The following CAMKK1 variants were observed in gnomAD, a reference collection of about 807,000 sequenced individuals.
The protein encoded by CAMKK1 is calcium/calmodulin dependent protein kinase kinase 1.
In CAMKK1, 20 loss-of-function variants were observed where a neutral mutation model predicts 63.5. The ratio of observed to expected loss-of-function variants is 0.32; its 90% CI spans 0.22 to 0.46. The LOEUF (loss-of-function observed/expected upper bound fraction) is 0.46, where lower values mean the gene tolerates loss of function less well. CAMKK1 is among the 20% of genes least tolerant of loss of function. The pLI is 1.00. For missense variants in CAMKK1, 588 were observed against 658.1 expected, an observed-to-expected ratio of 0.89 and a Z score of 1.17; for synonymous variants, 253 against 269.0, an observed-to-expected ratio of 0.94 and a Z score of 0.58.
rs1187657432 is a variant in CAMKK1 at position 3,882,196 on chromosome 17, G to A, written c.685+332C>T. The A allele has an allele frequency of 1.3e-5, 16 of 1,238,522 alleles. No homozygotes were observed. The highest frequency in any genetic ancestry group is 1.6e-5 in the Non-Finnish European group (14 of 868,036). The allele number at this position is 1,238,522 out of a possible 1,614,324, so 76.7% of individuals were successfully genotyped here. On this transcript the variant is annotated intron_variant, in intron 7 of 15. Transcript: ENST00000348335. This position sits in a 1 kb window ranked among gnomAD's most constrained non-coding sequence, Gnocchi z 4.3. ...ACTAGTATCCCTGTTTTATAGGTGG[G>A]AAAACTGAGGCACAGAGCTACAGTG... is the stretch of plus-strand genomic sequence containing the variant.
Position 3,889,249 on chromosome 17 carries a change from TTAG to T in CAMKK1, c.-43-3522_-43-3520del, listed in dbSNP as rs1393332116. On this transcript the variant is annotated intron_variant, in intron 1 of 15. Coordinates refer to ENST00000348335, the MANE Select transcript of CAMKK1 (RefSeq NM_032294.3). This position sits in a 1 kb window ranked among gnomAD's most constrained non-coding sequence, Gnocchi z 5.2. ...TCAAGGCCCTTCCCAAGCTCAGGCC[TTAG>T]TAGATACTCTGTAGAAACTTAATTC... 6.6e-6 allele frequency among the ~76,000 whole-genome samples: 1 copy of T among 152,082 alleles called. No homozygotes were observed. The highest frequency in any genetic ancestry group is 6.5e-5 in the Admixed American group (1 of 15,276).
intron 8 of CAMKK1, 76 bp downstream of exon 8, chr17:3,881,551 G>A: frequency 3.5e-6 from 5 of 1,408,560 alleles, no homozygotes; most frequent in Non-Finnish European, 3.9e-6. Flanking sequence ...CTGACCCCTG[G>A]GCTGGGGACA....
rs543841115 is a variant in CAMKK1 at position 3,884,105 on chromosome 17, C to T, written c.409-168G>A. On this transcript the variant is annotated intron_variant, in intron 3 of 15. Transcript: ENST00000348335. The surrounding 1 kb of genome is among the most constrained non-coding windows in gnomAD (Gnocchi z 4.5). ...GTAGCAGATGGGGAGGGGACTCCTG[C>T]GCCCTGGTAACTGCCCCTGCTTGGC... Among the ~76,000 whole-genome samples the T allele has an allele frequency of 2.0e-5, 3 of 152,260 alleles. No homozygotes were observed. Among genetic ancestry groups the T allele is most frequent in the Admixed American group, 6.5e-5 (1 of 15,296 alleles).
At chr17:3,876,510 G>T in intron 9 of CAMKK1, 88 bp from the exon 10 acceptor site, 1 of 1,172,510 alleles carries the variant, frequency 8.5e-7, no homozygotes, top group Non-Finnish European at 1.2e-6. Context: ...CAGGGACGCC[G>T]GCCGGGACAT....
chr17:3,884,249 C>T lies in CAMKK1; in HGVS notation c.408+131G>A. The T allele has an allele frequency of 1.0e-6, 1 of 966,928 alleles. No homozygotes were observed. The highest frequency in any genetic ancestry group is 2.4e-5 in the East Asian group (1 of 41,650). 59.9% of individuals were successfully genotyped at this position (966,928 alleles called of 1,614,324 possible). The stretch of plus-strand genomic sequence containing the variant: ...GGGTACCTGGGTACTTCCCACAGGG[C>T]ACGAAACTGTCCTCACCTCCAGGCT... On this transcript the variant is annotated intron_variant, in intron 3 of 15. Transcript: ENST00000348335. The surrounding 1 kb of genome is among the most constrained non-coding windows in gnomAD (Gnocchi z 4.5).
At chr17:3,873,974 CT>C (rs1314919544) in intron 10 of CAMKK1, among the ~76,000 whole-genome samples, 1 of 152,182 alleles carries the variant, frequency 6.6e-6, no homozygotes, top group South Asian at 2.1e-4. Flanking sequence ...CCAAACACCC[CT>C]GGGCCTCCCC....
chr17:3,876,504 G>A, intron 9 of CAMKK1, 82 bp from the exon 10 acceptor site: 2 of 1,274,704 alleles, frequency 1.6e-6, no homozygotes, highest in African/African-American at 1.5e-5. Flanking sequence ...CACAGCCAGG[G>A]ACGCCGGCCG....
chr17:3,872,583 G>C lies in CAMKK1; in HGVS notation c.1095C>G (p.Ile365Met). The C allele has an allele frequency of 6.2e-7, 1 of 1,613,974 alleles. No homozygotes were observed. Among genetic ancestry groups the C allele is most frequent in the Non-Finnish European group, 8.5e-7 (1 of 1,179,850 alleles). The change falls in exon 12 of 16, where the codon ATC becomes ATG. Residue 365 changes from isoleucine to methionine, a missense_variant. This residue lies in a region of CAMKK1 where 226 missense variants were observed against 229.2 expected (regional missense o/e 0.99). Transcript: ENST00000348335. ...CAGGAAACACCACGGGCTCATTCTTGATCTTCCTGTGGAGGGCCAGGATGA... is the reference window on the plus strand; with the variant it reads ...CAGGAAACACCACGGGCTCATTCTTCATCTTCCTGTGGAGGGCCAGGATGA... The part of the protein sequence containing the change: ...DDFILALHRK[I>M]KNEPVVFPEE...
chr17:3,863,711 A>AT (rs150262416), intron 15 of CAMKK1, among the ~76,000 whole-genome samples: 43 of 150,340 alleles, frequency 2.9e-4, no homozygotes, highest in African/African-American at 9.0e-4. Context: ...CTCCATCTCT[A>AT]TTTTTTTTTT....
intron 10 of CAMKK1, among the ~76,000 whole-genome samples, chr17:3,875,689 A>G (rs1409352210): frequency 6.6e-6 from 1 of 152,182 alleles, no homozygotes; most frequent in Non-Finnish European, 1.5e-5. Context: ...CCATGTGCCC[A>G]GGGAACTGCG....
intron 9 of CAMKK1, chr17:3,880,051 C>A: frequency 2.5e-6 from 1 of 399,922 alleles, no homozygotes; most frequent in Non-Finnish European, 4.6e-6. Context: ...AGCCCCGTGG[C>A]AACGCTAAGC....
chr17:3,863,873 G>A (rs1217708615), intron 15 of CAMKK1, among the ~76,000 whole-genome samples: 1 of 152,120 alleles, frequency 6.6e-6, no homozygotes, highest in African/African-American at 2.4e-5. Context: ...CCACCACTAG[G>A]GGGTGCTGGA....
intron 1 of CAMKK1, among the ~76,000 whole-genome samples, chr17:3,886,925 G>A (rs2055679628): frequency 6.6e-6 from 1 of 152,134 alleles, no homozygotes; most frequent in African/African-American, 2.4e-5. Context: ...AGAAGGAAGT[G>A]AGTGAACTCC....
In CAMKK1 at chr17:3,890,496, G is replaced by A. The variant is rs1484784996; in HGVS notation, c.-44+2443C>T. Among the ~76,000 whole-genome samples the A allele has an allele frequency of 1.3e-5, 2 of 152,040 alleles. No individual in the cohort carries two copies. Among genetic ancestry groups the A allele is most frequent in the South Asian group, 2.1e-4 (1 of 4,816 alleles). The stretch of plus-strand genomic sequence containing the variant: ...CTGCCACCTCCCCGTCCATGTTCCC[G>A]AGCAGCTCAGATCCAACAGGCCCCA... On this transcript the variant is annotated intron_variant, in intron 1 of 15. Transcript: ENST00000348335. This position sits in a 1 kb window ranked among gnomAD's most constrained non-coding sequence, Gnocchi z 6.5.
chr17:3,864,785 C>T (rs1434087078), intron 15 of CAMKK1, among the ~76,000 whole-genome samples: 1 of 152,188 alleles, frequency 6.6e-6, no homozygotes, highest in African/African-American at 2.4e-5. Context: ...CATTATGAGG[C>T]TCTCCCTGGG....
chr17:3,864,620 C>A (rs933478730), intron 15 of CAMKK1, among the ~76,000 whole-genome samples: 2 of 152,096 alleles, frequency 1.3e-5, no homozygotes, highest in Admixed American at 6.6e-5. Context: ...ATTATATATG[C>A]CCCCTCTCCC....
rs562855810 is a variant in CAMKK1, at chr17:3,892,478, G to T, written c.-44+461C>A. Among the ~76,000 whole-genome samples, 2 of 152,192 alleles carry T rather than the reference G, an allele frequency of 1.3e-5. No individual in the cohort carries two copies. The highest frequency in any genetic ancestry group is 4.8e-5 in the African/African-American group (2 of 41,532). ...CAGGACCCTGCGCAGCCTGAGCCGCGCGCCGCCGCCGCCCCATTCATCTCC... is the reference window on the plus strand; with the variant it reads ...CAGGACCCTGCGCAGCCTGAGCCGCTCGCCGCCGCCGCCCCATTCATCTCC... On this transcript the variant is annotated intron_variant, in intron 1 of 15. Transcript: ENST00000348335. This position sits in a 1 kb window ranked among gnomAD's most constrained non-coding sequence, Gnocchi z 7.5.
At chr17:3,881,924 G>A (rs771262647) in intron 7 of CAMKK1, 13 of 543,396 alleles carry the variant, frequency 2.4e-5, no homozygotes, top group Non-Finnish European at 4.2e-5. Flanking sequence ...CAGAGAAGGG[G>A]CAGAAATTTT....
At chr17:3,868,991 C>T (rs1408940131) in intron 14 of CAMKK1, among the ~76,000 whole-genome samples, 4 of 136,050 alleles carry the variant, frequency 2.9e-5, no homozygotes, top group South Asian at 2.3e-4. Context: ...TTTTTTGAGA[C>T]GCAGTCTCGC....
Sources: gnomAD v4.1 joint callset for allele counts (sites outside exome capture counted in the v4.1 genomes callset) on GRCh38, gnomAD v4.1.1 for gene constraint, gnomAD v4.1.1 regional missense constraint, Gnocchi (gnomAD v3.1) non-coding constraint, MANE v1.5 for transcripts, NCBI Gene and HGNC (gene_info 2026-07-23, HGNC 2026-07-21) for gene names.